Variants in A1BG observed in about 807,000 individuals in gnomAD.
A1BG encodes alpha-1B-glycoprotein.
A neutral mutation model predicts 46.0 loss-of-function variants in A1BG; 44 were observed. That is an observed-to-expected ratio of 0.96 (90% CI 0.75 to 1.23). The LOEUF (loss-of-function observed/expected upper bound fraction) is 1.23, where lower values mean the gene tolerates loss of function less well. Ranked by LOEUF, A1BG falls within the 50% of genes most tolerant of loss-of-function variation. The pLI is 0.00. For missense variants in A1BG, 707 were observed against 688.8 expected (o/e 1.03, Z -0.30); for synonymous variants, 316 against 314.7 (o/e 1.00, Z -0.04).
At position 58,350,643 on chromosome 19, in the gene A1BG, G is replaced by C; in HGVS notation, c.919C>G (p.Pro307Ala). Residue 307 changes from proline (P) to alanine (A), a missense_variant, in exon 6 of 8, where the codon CCC becomes GCC. Transcript: ENST00000263100. Reference sequence around the variant, plus strand: ...GGCTCCGGGGAGAACTCCGGCGCGGGCAGCGTCTCTGCGGAGCAGCACACG... The same window carrying C: ...GGCTCCGGGGAGAACTCCGGCGCGGCCAGCGTCTCTGCGGAGCAGCACACG... ...VELILSDETL[P>A]APEFSPEPES... 1 of 1,411,020 alleles carries C rather than the reference G, an allele frequency of 7.1e-7. No individual in the cohort carries two copies. Among genetic ancestry groups the C allele is most frequent in the African/African-American group, 1.5e-5 (1 of 65,732 alleles). 87.4% of individuals were successfully genotyped at this position (1,411,020 alleles called of 1,614,324 possible). A position where few individuals can be genotyped will look rare whatever the true frequency, so the allele number is the denominator to read the frequency against.
intron 5 of A1BG, 178 bp from the exon 6 acceptor site, chr19:58,350,829 A>C (rs2148000225): frequency 2.2e-4 from 114 of 517,778 alleles, no homozygotes; most frequent in Non-Finnish European, 2.6e-4. Flanking sequence ...TGGATATCTC[A>C]CACGCACCCT....
At chr19:58,353,358 T>TA in intron 1 of A1BG, 31 bp from the exon 2 acceptor site, 1 of 1,606,424 alleles carries the variant, frequency 6.2e-7, no homozygotes, top group Non-Finnish European at 8.5e-7. Flanking sequence ...AGGCTCCTGT[T>TA]CCCGCCCCCT....
intron 6 of A1BG, 64 bp downstream of exon 6, chr19:58,350,306 A>T: frequency 6.8e-7 from 1 of 1,468,684 alleles, no homozygotes; most frequent in South Asian, 1.4e-5. Flanking sequence ...AAAGAGGGGA[A>T]AGACAGGAGG....
Position 58,351,548 on chromosome 19 carries a change from C to T in A1BG, c.753G>A (p.Leu251=), listed in dbSNP as rs2051958760. 1 of 1,613,980 alleles carries T rather than the reference C, an allele frequency of 6.2e-7. No homozygotes were observed. The highest frequency in any genetic ancestry group is 8.5e-7 in the Non-Finnish European group (1 of 1,180,034). Residue 251 remains leucine (L), a synonymous_variant, in exon 5 of 8, where the codon CTG becomes CTA. Coordinates refer to ENST00000263100, the MANE Select transcript of A1BG (RefSeq NM_130786.4). ...CTGGGCTGGTGCTGCTCCTGGGTACCAGCAGCTCTTTCTCCCCGCGCCGTA... is the reference window on the plus strand; with the variant it reads ...CTGGGCTGGTGCTGCTCCTGGGTACTAGCAGCTCTTTCTCCCCGCGCCGTA... ...FQLRRGEKEL[L]VPRSSTSPDR... is the part of the protein sequence containing the mutation.
In A1BG at chr19:58,353,272, G is replaced by A; in HGVS notation, c.70+20C>T. ...CCCCGGCCTGGGCCCACCATTCCCA[G>A]ACCTCACCCCTGCACTCACATATGG... On this transcript the variant is annotated intron_variant, in intron 2 of 7. Transcript: ENST00000263100. 6.2e-7 allele frequency: 1 copy of A among 1,613,868 alleles called. No homozygotes were observed. The highest frequency in any genetic ancestry group is 1.1e-5 in the South Asian group (1 of 91,066).
chr19:58,350,682 G>A, intron 5 of A1BG, 31 bp from the exon 6 acceptor site: 1 of 1,335,742 alleles, frequency 7.5e-7, no homozygotes, highest in Non-Finnish European at 9.5e-7. Flanking sequence ...TGACCCGGGC[G>A]CCCAGCGGCT....
intron 7 of A1BG, 150 bp downstream of exon 7, chr19:58,347,203 C>G (rs1254409936): frequency 1.5e-6 from 2 of 1,367,480 alleles, no homozygotes; most frequent in African/African-American, 1.5e-5. Context: ...GGCGGTTCCT[C>G]GCCCGCAATT....
chr19:58,350,420 G>A lies in A1BG; in HGVS notation c.1142C>T (p.Pro381Leu), dbSNP rs752162727. ...NYSCVYVDLK[P>L]PFGGSAPSER... ...GCTGGGCGCGGAGCCCCCGAAAGGC[G>A]GCTTCAGGTCCACGTAGACGCAGCT... Residue 381 changes from proline to leucine, a missense_variant, in exon 6 of 8, where the codon CCG (proline) becomes CTG (leucine). Transcript: ENST00000263100. 1.4e-5 allele frequency: 21 copies of A among 1,550,616 alleles called. No homozygotes were observed. The East Asian group carries it at 2.9e-4, about 22-fold the overall frequency.
rs981385982 is a variant in A1BG at position 58,347,090 on chromosome 19, C to A, written c.1481-61G>T. 26 of 1,600,616 alleles carry A rather than the reference C, an allele frequency of 1.6e-5. No individual in the cohort carries two copies. In the African/African-American group the frequency reaches 3.0e-4, roughly 18 times the overall value. ...GGGAAATCCTATGCCCTCCTCCTCG[C>A]GGAAATCAAGGCCGACCTCCCTGAC... On this transcript the variant is annotated intron_variant, in intron 7 of 7. Coordinates refer to ENST00000263100, the MANE Select transcript of A1BG (RefSeq NM_130786.4).
Position 58,346,920 on chromosome 19 carries a change from C to A in A1BG, c.*102G>T. The A allele has an allele frequency of 7.8e-7, 1 of 1,282,332 alleles. No homozygotes were observed. Among genetic ancestry groups the A allele is most frequent in the Non-Finnish European group, 1.1e-6 (1 of 877,400 alleles). The allele number at this position is 1,282,332 out of a possible 1,614,324, so 79.4% of individuals were successfully genotyped here. ...GGAATGAGGGAGGCTTCTCCAGCCC[C>A]CCAGAGACCCCGGCCTTGTGCTGCA... On this transcript the variant is annotated 3_prime_UTR_variant, in exon 8 of 8. Coordinates refer to ENST00000263100, the MANE Select transcript of A1BG (RefSeq NM_130786.4).
rs2051913669 is a variant in A1BG, at chr19:58,346,373, G to A, written c.*649C>T. ...GGATCACTTGAGCCCAAGAGTTCAA[G>A]ACCAGCCTGGGCAACATAGTGAGAC... On this transcript the variant is annotated 3_prime_UTR_variant, in exon 8 of 8. Transcript: ENST00000263100. 6.5e-6 allele frequency: 1 copy of A among 154,886 alleles called. No individual in the cohort carries two copies. The highest frequency in any genetic ancestry group is 6.4e-5 in the Admixed American group (1 of 15,584). The allele number at this position is 154,886 out of a possible 1,614,324, so 9.6% of individuals were successfully genotyped here. A position where few individuals can be genotyped will look rare whatever the true frequency, so the allele number is the denominator to read the frequency against.
rs897579299 is a variant in A1BG, at chr19:58,350,117, G to C, written c.1192+253C>G. 1.8e-4 allele frequency: 88 copies of C among 485,842 alleles called. No homozygotes were observed. In the South Asian group the frequency reaches 2.4e-3, roughly 13 times the overall value. The allele number at this position is 485,842 out of a possible 1,614,324, so 30.1% of individuals were successfully genotyped here. On this transcript the variant is annotated intron_variant, in intron 6 of 7. Transcript: ENST00000263100. ...GCAGGGATCTGAACAAGAAAACCTG[G>C]GGCCAGCCTCCCTGCTGCCGACCAC...
chr19:58,350,359 C>G lies in A1BG; in HGVS notation c.1192+11G>C. 1 of 1,531,210 alleles carries G rather than the reference C, an allele frequency of 6.5e-7. No homozygotes were observed. The highest frequency in any genetic ancestry group is 1.4e-5 in the African/African-American group (1 of 72,048). 94.9% of individuals were successfully genotyped at this position (1,531,210 alleles called of 1,614,324 possible). A position where few individuals can be genotyped will look rare whatever the true frequency, so the allele number is the denominator to read the frequency against. On this transcript the variant is annotated intron_variant, in intron 6 of 7. Transcript: ENST00000263100. ...CCCGCGCCCGCCCTCGCTGGTGCCC[C>G]GCCAGCTCACCGTCCACGTGCAGCT... is the stretch of plus-strand genomic sequence containing the variant.
chr19:58,349,714 G>A (rs1448788625), intron 6 of A1BG: 1 of 150,196 alleles, frequency 6.7e-6, no homozygotes, highest in Non-Finnish European at 1.5e-5. Flanking sequence ...GGGGGGCAGA[G>A]ATGAGAGAGA....
rs1179663821 is a variant in A1BG at position 58,345,863 on chromosome 19, C to T, written c.*1159G>A. On this transcript the variant is annotated 3_prime_UTR_variant, in exon 8 of 8. Transcript: ENST00000263100. Reference sequence around the variant, plus strand: ...AGCAAATTCGTTGAAAAACACAATTCATCAACTATTGGTTGATAATACTGA... The same window carrying T: ...AGCAAATTCGTTGAAAAACACAATTTATCAACTATTGGTTGATAATACTGA... 1 of 152,246 alleles carries T rather than the reference C, an allele frequency of 6.6e-6. No individual in the cohort carries two copies. Among genetic ancestry groups the T allele is most frequent in the Middle Eastern group, 3.2e-3 (1 of 316 alleles). The allele number at this position is 152,246 out of a possible 1,614,324, so 9.4% of individuals were successfully genotyped here.
intron 6 of A1BG, 84 bp downstream of exon 6, chr19:58,350,286 A>G: frequency 7.0e-7 from 1 of 1,435,432 alleles, no homozygotes; most frequent in Non-Finnish European, 9.2e-7. Flanking sequence ...CCGCCGTCGG[A>G]CGCCCAAGGA....
At position 58,351,491 on chromosome 19, in the gene A1BG, G is replaced by A. The variant is rs140428520; in HGVS notation, c.810C>T (p.Ala270=). ...AGGTGTAGTGACCTCCATCCCCCAG[G>A]GCCACCGCGTTCAGGTGAAAGAAGA... ...DRIFFHLNAV[A]LGDGGHYTCR... The change falls in exon 5 of 8, where the codon GCC becomes GCT. Residue 270 remains alanine (A), a synonymous_variant. Coordinates refer to ENST00000263100, the MANE Select transcript of A1BG (RefSeq NM_130786.4). 7 of 1,613,662 alleles carry A rather than the reference G, an allele frequency of 4.3e-6. No homozygotes were observed. The African/African-American group carries it at 8.0e-5, about 18-fold the overall frequency.
chr19:58,348,906 T>A (rs1300851158), intron 6 of A1BG: 1 of 152,490 alleles, frequency 6.6e-6, no homozygotes. Flanking sequence ...GTTATGTCAG[T>A]GGGACTGTGT....
intron 6 of A1BG, 37 bp from the exon 7 acceptor site, chr19:58,347,677 C>CCCCAGGCCACGCCCCAGTCCGCG (rs1555779283): frequency 1.3e-5 from 9 of 671,798 alleles, no homozygotes; most frequent in African/African-American, 9.3e-5. Flanking sequence ...CCAGGCCACG[C>CCCCAGGCCACGCCCCAGTCCGCG]CCCAGGCCAC....
Sources: allele counts gnomAD v4.1 joint callset, GRCh38; gene constraint gnomAD v4.1.1; transcripts MANE v1.5; gene names NCBI Gene and HGNC (gene_info 2026-07-23, HGNC 2026-07-21).